CD5: variants seen among roughly 807,000 people sequenced by gnomAD.
CD5 encodes CD5 molecule.
Under a neutral mutation model 60.3 loss-of-function variants are expected in CD5, and 36 were observed. The ratio of observed to expected loss-of-function variants is 0.60; its 90% confidence interval spans 0.46 to 0.79. The LOEUF is 0.79. Ranked by LOEUF, CD5 falls within the 30% of genes least tolerant of loss-of-function variation. The pLI is 0.00. For missense variants in CD5, 540 were observed against 630.6 expected (o/e 0.86, Z 1.54); for synonymous variants, 230 against 257.6 (o/e 0.89, Z 1.03).
the CD5 span, among the ~76,000 whole-genome samples, chr11:61,097,128 G>T: frequency 6.6e-6 from 1 of 152,106 alleles, no homozygotes; most frequent in East Asian, 1.9e-4. Flanking sequence ...ACAAATTCCA[G>T]GAAAAACAAG....
upstream of CD5, among the ~76,000 whole-genome samples, chr11:61,100,363 C>T (rs1294849354): frequency 4.1e-5 from 6 of 147,966 alleles, no homozygotes; most frequent in Non-Finnish European, 7.4e-5. Flanking sequence ...AGATCACTCA[C>T]ACACATCAAC....
At chr11:61,121,492 C>A in intron 5 of CD5, 119 bp from the exon 6 acceptor site, 1 of 783,798 alleles carries the variant, frequency 1.3e-6, no homozygotes, top group East Asian at 3.0e-5. Context: ...CCTGGTGGTC[C>A]CACACAGTGC....
At chr11:61,103,776 G>A (rs932871665) in intron 1 of CD5, among the ~76,000 whole-genome samples, 1 of 142,314 alleles carries the variant, frequency 7.0e-6, no homozygotes, top group African/African-American at 2.7e-5. Context: ...ATGTGTGTGA[G>A]TACTGTCTGG....
upstream of CD5, among the ~76,000 whole-genome samples, chr11:61,099,478 TCACACACACATCAACATGGAGATCA>T (rs1860628022): frequency 9.5e-6 from 1 of 105,478 alleles, no homozygotes; most frequent in African/African-American, 4.7e-5. Flanking sequence ...AACATGGAGA[TCACACACACATCAACATGGAGATCA>T]CACACACACA....
At chr11:61,095,438 T>C in the CD5 span, among the ~76,000 whole-genome samples, 1 of 152,186 alleles carries the variant, frequency 6.6e-6, no homozygotes, top group East Asian at 1.9e-4. Flanking sequence ...CATCTTACAC[T>C]GAAAAGCCTC....
At chr11:61,110,887 GAC>G in intron 1 of CD5, among the ~76,000 whole-genome samples, 1 of 152,190 alleles carries the variant, frequency 6.6e-6, no homozygotes, top group African/African-American at 2.4e-5. Flanking sequence ...TGATGATGGT[GAC>G]GGTGATGGTG....
chr11:61,102,164 C>T (rs1463505932), upstream of CD5, among the ~76,000 whole-genome samples: 3 of 152,220 alleles, frequency 2.0e-5, no homozygotes, highest in African/African-American at 4.8e-5. Flanking sequence ...CTCAGGGACG[C>T]CTGTCCTCAG....
intron 1 of CD5, among the ~76,000 whole-genome samples, chr11:61,107,309 CGG>C (rs1285754281): frequency 5.9e-5 from 9 of 152,300 alleles, no homozygotes; most frequent in Admixed American, 2.0e-4. Flanking sequence ...ACGAGGGCCA[CGG>C]ATGCCCCCGT....
At chr11:61,113,221 C>G (rs935783817) in intron 1 of CD5, among the ~76,000 whole-genome samples, 4 of 152,214 alleles carry the variant, frequency 2.6e-5, no homozygotes, top group Admixed American at 2.6e-4. Context: ...ATCAAAATAC[C>G]GTACTTGCAC....
At chr11:61,107,249 A>G (rs943334509) in intron 1 of CD5, among the ~76,000 whole-genome samples, 3 of 152,160 alleles carry the variant, frequency 2.0e-5, no homozygotes, top group Admixed American at 1.3e-4. Flanking sequence ...GAAGCGTTGC[A>G]GGCAGAGGGG....
upstream of CD5, among the ~76,000 whole-genome samples, chr11:61,097,485 TTCCCAAA>T (rs1416897879): frequency 3.3e-5 from 5 of 152,146 alleles, no homozygotes; most frequent in African/African-American, 7.2e-5. Flanking sequence ...ATTTAGTAAA[TTCCCAAA>T]GTTGCAAACC....
At chr11:61,105,158 C>G (rs952963597) in intron 1 of CD5, among the ~76,000 whole-genome samples, 1 of 152,252 alleles carries the variant, frequency 6.6e-6, no homozygotes, top group African/African-American at 2.4e-5. Context: ...CCCCAGCAGG[C>G]CTGGGTGCTA....
the CD5 span, among the ~76,000 whole-genome samples, chr11:61,095,281 G>T: frequency 6.6e-6 from 1 of 152,018 alleles, no homozygotes; most frequent in African/African-American, 2.4e-5. Context: ...TTGAAAGCTC[G>T]CTTACAGCCC....
chr11:61,103,429 G>A (rs928366143), intron 1 of CD5, among the ~76,000 whole-genome samples: 12 of 152,210 alleles, frequency 7.9e-5, no homozygotes, highest in Admixed American at 2.6e-4. Flanking sequence ...AGGAGGATGC[G>A]AGCAGCTTCC....
At chr11:61,113,711 C>T (rs1236741672) in intron 1 of CD5, among the ~76,000 whole-genome samples, 1 of 152,118 alleles carries the variant, frequency 6.6e-6, no homozygotes, top group East Asian at 1.9e-4. Flanking sequence ...CTCTCTCACC[C>T]AGTCTGGAGT....
At chr11:61,117,537 G>A (rs912441429) in intron 2 of CD5, among the ~76,000 whole-genome samples, 5 of 151,890 alleles carry the variant, frequency 3.3e-5, no homozygotes, top group Non-Finnish European at 7.4e-5. Context: ...TACCCAGGCT[G>A]GAGTGCAGTG....
In CD5 at chr11:61,107,123, G is replaced by C. The variant is rs541251611; in HGVS notation, c.55+4508G>C. ...AGACAGATAGAGGAGGGCTGGGACC[G>C]GAAGCCTTGGTGGGGTGTGAGGTAC... On this transcript the variant is annotated intron_variant, in intron 1 of 10. Coordinates refer to ENST00000347785, the MANE Select transcript of CD5 (RefSeq NM_014207.4). Among the ~76,000 whole-genome samples the C allele has an allele frequency of 1.5e-4, 23 of 152,278 alleles. No homozygotes were observed. In the East Asian group the frequency reaches 3.9e-3, roughly 26 times the overall value.
At chr11:61,123,365 C>T (rs972081088) in intron 7 of CD5, among the ~76,000 whole-genome samples, 5 of 152,166 alleles carry the variant, frequency 3.3e-5, no homozygotes, top group Admixed American at 3.3e-4. Context: ...AGACACACAT[C>T]CCAGGCCTAG....
Position 61,125,099 on chromosome 11 carries a change from G to A in CD5, c.1347G>A (p.Val449=), listed in dbSNP as rs778118905. The A allele has an allele frequency of 3.2e-5, 51 of 1,613,988 alleles. 1 individual carries two copies. The South Asian group carries it at 5.2e-4, about 16-fold the overall frequency. ...SHAENPTASH[V]DNEYSQPPRN... Reference sequence around the variant, plus strand: ...CTGAGAACCCCACAGCCTCCCACGTGGATAACGAATACAGCCAACCTCCCA... The same window carrying A: ...CTGAGAACCCCACAGCCTCCCACGTAGATAACGAATACAGCCAACCTCCCA... The change falls in exon 9 of 11, where the codon GTG becomes GTA. Residue 449 remains valine (V), a synonymous_variant. Transcript: ENST00000347785.
Sources: allele counts gnomAD v4.1 joint callset (sites outside exome capture counted in the v4.1 genomes callset), GRCh38; gene constraint gnomAD v4.1.1; transcripts MANE v1.5; gene names NCBI Gene and HGNC (gene_info 2026-07-23, HGNC 2026-07-21).